Variants in MAP2K6 observed in about 807,000 individuals in gnomAD.
MAP2K6 encodes the protein dual specificity mitogen-activated protein kinase kinase 6.
Under a neutral mutation model 53.7 loss-of-function variants are expected in MAP2K6, and 16 were observed. That is an observed-to-expected ratio of 0.30 (90% CI 0.20 to 0.45). MAP2K6 has a LOEUF of 0.45. MAP2K6 is among the 20% of genes least tolerant of loss of function. The pLI, the probability that MAP2K6 is intolerant of heterozygous loss-of-function variation, is 1.00. For missense variants in MAP2K6, 204 were observed against 411.9 expected, an observed-to-expected ratio of 0.50 and a Z score of 4.37; for synonymous variants, 132 against 143.1, an observed-to-expected ratio of 0.92 and a Z score of 0.55.
At chr17:69,531,107 A>G (rs1461071505) in intron 10 of MAP2K6, among the ~76,000 whole-genome samples, 5 of 150,606 alleles carry the variant, frequency 3.3e-5, no homozygotes, top group Non-Finnish European at 5.9e-5. Context: ...TATGTAGGCT[A>G]TGGTCCTCCC....
intron 1 of MAP2K6, among the ~76,000 whole-genome samples, chr17:69,448,603 C>CT (rs892219180): frequency 1.0e-4 from 15 of 149,204 alleles, no homozygotes; most frequent in Admixed American, 1.3e-4. Flanking sequence ...TTTCTTTCTG[C>CT]TTTTTTTTTT....
chr17:69,540,453 A>G (rs1172278398), intron 11 of MAP2K6, among the ~76,000 whole-genome samples: 1 of 152,202 alleles, frequency 6.6e-6, no homozygotes, highest in East Asian at 1.9e-4. Flanking sequence ...TTCCACTATA[A>G]GAACTGTGGC....
chr17:69,541,291 A>G (rs1235693188), intron 11 of MAP2K6, among the ~76,000 whole-genome samples: 1 of 152,162 alleles, frequency 6.6e-6, no homozygotes, highest in East Asian at 1.9e-4. Context: ...ACACCTATGA[A>G]TTGTCTTATT....
At chr17:69,517,701 A>G in intron 4 of MAP2K6, 88 bp downstream of exon 4, 1 of 769,770 alleles carries the variant, frequency 1.3e-6, no homozygotes. Context: ...TAATAGAAGC[A>G]AAACCATCTT....
At chr17:69,432,450 C>T (rs185362895) in intron 1 of MAP2K6, among the ~76,000 whole-genome samples, 6 of 152,168 alleles carry the variant, frequency 3.9e-5, no homozygotes, top group African/African-American at 1.4e-4. Flanking sequence ...GGCACATATA[C>T]ACCATGGAAT....
chr17:69,486,750 T>C (rs1417247570), intron 1 of MAP2K6, among the ~76,000 whole-genome samples: 1 of 150,888 alleles, frequency 6.6e-6, no homozygotes, highest in Non-Finnish European at 1.5e-5. Context: ...CTTTTCAATG[T>C]CATCCAAACC....
At chr17:69,525,089 C>T (rs1910698489) in intron 9 of MAP2K6, 111 bp downstream of exon 9, 19 of 785,802 alleles carry the variant, frequency 2.4e-5, no homozygotes, top group Middle Eastern at 2.3e-4. Context: ...GGGGCGCCCT[C>T]TCCTGCTGAG....
intron 1 of MAP2K6, chr17:69,477,660 C>A (rs1488707144): frequency 6.6e-6 from 1 of 152,164 alleles, no homozygotes; most frequent in African/African-American, 2.4e-5. Flanking sequence ...TTTGAACAAG[C>A]CACACCTGGC....
chr17:69,513,076 A>G (rs1909949115), intron 2 of MAP2K6, among the ~76,000 whole-genome samples: 1 of 152,212 alleles, frequency 6.6e-6, no homozygotes, highest in Non-Finnish European at 1.5e-5. Flanking sequence ...CACCCACAGT[A>G]TAAACTTCCT....
rs147638701 is a variant in MAP2K6, at chr17:69,512,573, G to A, written c.84-4282G>A. ...AGGCTGGTCTCGAACTCCTGATGTCGTGATCCACCTGCCTCAGCCTCCCGA... is the reference window on the plus strand; with the variant it reads ...AGGCTGGTCTCGAACTCCTGATGTCATGATCCACCTGCCTCAGCCTCCCGA... On this transcript the variant is annotated intron_variant, in intron 2 of 11. Transcript: ENST00000590474. 3.8e-3 allele frequency among the ~76,000 whole-genome samples: 576 copies of A among 152,060 alleles called. 5 individuals carry two copies. Among genetic ancestry groups the A allele is most frequent in the African/African-American group, 0.013 (546 of 41,478 alleles).
At chr17:69,521,622 T>C (rs929193273) in intron 7 of MAP2K6, 3 of 152,210 alleles carry the variant, frequency 2.0e-5, no homozygotes, top group South Asian at 4.1e-4. Context: ...TGGCCTGTTA[T>C]CTCTTCAACC....
At chr17:69,524,012 GT>G (rs1402891657) in intron 8 of MAP2K6, among the ~76,000 whole-genome samples, 1 of 152,086 alleles carries the variant, frequency 6.6e-6, no homozygotes, top group Non-Finnish European at 1.5e-5. Context: ...TCCTCGCACG[GT>G]GAAAGGGGCG....
At chr17:69,511,185 T>C (rs2145235461) in intron 2 of MAP2K6, among the ~76,000 whole-genome samples, 1 of 152,346 alleles carries the variant, frequency 6.6e-6, no homozygotes, top group Middle Eastern at 3.4e-3. Flanking sequence ...TAATAAGGTA[T>C]ACTGTGAATA....
intron 1 of MAP2K6, among the ~76,000 whole-genome samples, chr17:69,463,124 C>A (rs1009756536): frequency 9.9e-5 from 15 of 151,696 alleles, no homozygotes; most frequent in African/African-American, 3.4e-4. Flanking sequence ...CCATGAGACA[C>A]AGTGTTAGAG....
rs1012177392 is a variant in MAP2K6, at chr17:69,449,517, G to T, written c.16+34517G>T. On this transcript the variant is annotated intron_variant, in intron 1 of 11. Coordinates refer to ENST00000590474, the MANE Select transcript of MAP2K6 (RefSeq NM_002758.4). ...TTCTTTCTTTTTTCTTTCTTTCTTT[G>T]TCTTTCTTTCTTTGTCTTTCTTTCT... Among the ~76,000 whole-genome samples, 32 of 97,072 alleles carry T rather than the reference G, an allele frequency of 3.3e-4. No homozygotes were observed. The South Asian group carries it at 8.9e-3, about 27-fold the overall frequency. The allele number at this position is 97,072 out of a possible 152,430, so 63.7% of individuals were successfully genotyped here. A position where few individuals can be genotyped will look rare whatever the true frequency, so the allele number is the denominator to read the frequency against.
At chr17:69,458,999 C>T (rs966444417) in intron 1 of MAP2K6, among the ~76,000 whole-genome samples, 3 of 152,210 alleles carry the variant, frequency 2.0e-5, no homozygotes, top group African/African-American at 7.2e-5. Context: ...TTGGTTCTAA[C>T]CTCCTTTGCT....
chr17:69,539,475 G>T (rs192265459), intron 11 of MAP2K6, among the ~76,000 whole-genome samples: 184 of 152,164 alleles, frequency 1.2e-3, no homozygotes, highest in African/African-American at 4.3e-3. Flanking sequence ...ACCTTTTACA[G>T]CCTCAAAACC....
rs968508609 is a variant in MAP2K6 at position 69,548,160 on chromosome 17, A to G, written c.*6407A>G. ...AGGCCTACTCATTTTGTGCTGTCCC[A>G]CAAAAGTGAGAGGAGTACTTCTCTT... On this transcript the variant is annotated 3_prime_UTR_variant, in exon 12 of 12. Transcript: ENST00000590474. The G allele has an allele frequency of 1.3e-5, 2 of 152,242 alleles. No homozygotes were observed. The highest frequency in any genetic ancestry group is 2.4e-5 in the African/African-American group (1 of 41,474). The allele number at this position is 152,242 out of a possible 1,614,324, so 9.4% of individuals were successfully genotyped here. A position where few individuals can be genotyped will look rare whatever the true frequency, so the allele number is the denominator to read the frequency against.
intron 2 of MAP2K6, among the ~76,000 whole-genome samples, chr17:69,509,108 A>G (rs533133140): frequency 6.6e-6 from 1 of 152,162 alleles, no homozygotes; most frequent in Non-Finnish European, 1.5e-5. Context: ...CTCTTTTCAT[A>G]TAAGTTTTAG....
Sources: allele counts gnomAD v4.1 joint callset (sites outside exome capture counted in the v4.1 genomes callset), GRCh38; gene constraint gnomAD v4.1.1; transcripts MANE v1.5; gene names NCBI Gene and HGNC (gene_info 2026-07-23, HGNC 2026-07-21).